The following ARMCX4 variants were observed in gnomAD, a reference collection of about 807,000 sequenced individuals.
The protein encoded by ARMCX4 is armadillo repeat-containing X-linked protein 4.
A neutral mutation model predicts 34.7 loss-of-function variants in ARMCX4; 3 were observed. The observed-to-expected ratio is 0.09, with a 90% CI of 0.04 to 0.22. ARMCX4 has a LOEUF of 0.22. Ranked by LOEUF, ARMCX4 falls within the 10% of genes least tolerant of loss-of-function variation. ARMCX4 has a pLI of 1.00. For synonymous variants in ARMCX4, 513 were observed against 632.8 expected (o/e 0.81, Z 2.84); for missense variants, 1,448 against 1,720.8 (o/e 0.84, Z 2.81).
intron 4 of ARMCX4, among the ~76,000 whole-genome samples, chrX:101,476,927 G>A (rs1314180546): frequency 1.8e-5 from 2 of 110,781 alleles, no homozygotes; most frequent in Non-Finnish European, 3.8e-5. Context: ...AATTTTTTTG[G>A]CAATTCTGAT....
In ARMCX4 at chrX:101,440,036, G is replaced by C. The variant is rs782477032; in HGVS notation, n.165-4016G>C. Among the ~76,000 whole-genome samples, 21 of 112,039 alleles carry C rather than the reference G, an allele frequency of 1.9e-4. No individual in the cohort carries two copies. The East Asian group carries it at 3.6e-3, about 19-fold the overall frequency. ...TGCTGGTGAGGAGCTGTGTTCCTTT[G>C]GAGGAGGAGAGGCGCTCTGATTTTT... is the stretch of plus-strand genomic sequence containing the variant. On this transcript the variant is annotated intron_variant and non_coding_transcript_variant, in intron 2 of 3. Transcript: ENST00000430461.
rs139126774 is a variant in ARMCX4, at chrX:101,518,575, T to G, written c.*1780+7520T>G. On this transcript the variant is annotated intron_variant and NMD_transcript_variant, in intron 11 of 12. Transcript: ENST00000354842. ...AAGCATAAATATAAGATGGCAGGAA[T>G]AAAACCAAAAAGAAGTAATCACAAT... Among the ~76,000 whole-genome samples, 137 of 111,164 alleles carry G rather than the reference T, an allele frequency of 1.2e-3. 1 individual carries two copies. The East Asian group carries it at 0.035, about 28-fold the overall frequency.
At chrX:101,465,364 A>G (rs142247943) in intron 4 of ARMCX4, among the ~76,000 whole-genome samples, 1,489 of 112,140 alleles carry the variant, frequency 0.013, 27 homozygotes, top group African/African-American at 0.045. Flanking sequence ...TGCAAATATT[A>G]ACAAAAAAGC....
intron 4 of ARMCX4, among the ~76,000 whole-genome samples, chrX:101,458,792 T>C (rs1260711916): frequency 8.9e-6 from 1 of 111,849 alleles, no homozygotes; most frequent in Admixed American, 9.5e-5. Context: ...CGGCTCAATA[T>C]CCTACTAATT....
downstream of ARMCX4, among the ~76,000 whole-genome samples, chrX:101,500,120 A>G (rs1025165469): frequency 1.8e-5 from 2 of 111,575 alleles, no homozygotes; most frequent in African/African-American, 3.3e-5. Flanking sequence ...TGATATTGAC[A>G]CCCAGAGACC....
At chrX:101,482,131 G>A (rs1933477224), upstream of ARMCX4, among the ~76,000 whole-genome samples, 1 of 110,809 alleles carries the variant, frequency 9.0e-6, no homozygotes, top group Non-Finnish European at 1.9e-5. Flanking sequence ...CTACTAGGGA[G>A]GCTGAGGCAT....
chrX:101,528,387 G>A (rs962803786), intron 11 of ARMCX4, among the ~76,000 whole-genome samples: 1 of 111,701 alleles, frequency 9.0e-6, no homozygotes, highest in African/African-American at 3.3e-5. Context: ...ATACTGAATG[G>A]CAAAAACTGG....
intron 4 of ARMCX4, among the ~76,000 whole-genome samples, chrX:101,453,249 C>A (rs1338471118): frequency 1.2e-4 from 13 of 111,854 alleles, no homozygotes; most frequent in Non-Finnish European, 2.3e-4. Context: ...GAATATAAAT[C>A]TTTACCATAT....
intron 2 of ARMCX4, among the ~76,000 whole-genome samples, chrX:101,435,976 G>C (rs1446758466): frequency 3.6e-5 from 4 of 111,278 alleles, no homozygotes; most frequent in African/African-American, 6.5e-5. Flanking sequence ...TTATTTCTGA[G>C]GGTTCTGTTC....
At chrX:101,438,880 G>T (rs1160786520) in intron 2 of ARMCX4, among the ~76,000 whole-genome samples, 1 of 110,988 alleles carries the variant, frequency 9.0e-6, no homozygotes. Flanking sequence ...ATGTGAGATG[G>T]GTTTCCTGAA....
chrX:101,511,626 G>C (rs782625349), intron 11 of ARMCX4, among the ~76,000 whole-genome samples: 1 of 110,811 alleles, frequency 9.0e-6, no homozygotes, highest in Non-Finnish European at 1.9e-5. Context: ...ACAAATGCCA[G>C]TTTTCATAGA....
At chrX:101,523,026 G>A (rs781832061) in intron 11 of ARMCX4, among the ~76,000 whole-genome samples, 1 of 111,852 alleles carries the variant, frequency 8.9e-6, no homozygotes, top group Non-Finnish European at 1.9e-5. Flanking sequence ...CGGGGAGTTA[G>A]GAAGGCTATG....
chrX:101,471,648 C>T (rs1169252084), intron 4 of ARMCX4, among the ~76,000 whole-genome samples: 3 of 111,464 alleles, frequency 2.7e-5, no homozygotes, highest in African/African-American at 9.8e-5. Flanking sequence ...GGTCCCTGAC[C>T]CCTGACCCTG....
At chrX:101,439,070 A>G (rs1555995987) in intron 2 of ARMCX4, among the ~76,000 whole-genome samples, 2 of 111,816 alleles carry the variant, frequency 1.8e-5, no homozygotes, top group South Asian at 3.7e-4. Context: ...TAGCCTTGAT[A>G]GTCTTTACAA....
intron 2 of ARMCX4, among the ~76,000 whole-genome samples, chrX:101,421,448 G>T (rs1223656642): frequency 1.8e-5 from 2 of 111,149 alleles, no homozygotes; most frequent in Non-Finnish European, 3.8e-5. Context: ...AATTGGGAGG[G>T]AGGGAGTGTG....
At chrX:101,454,538 G>A (rs782223263) in intron 4 of ARMCX4, among the ~76,000 whole-genome samples, 10 of 108,297 alleles carry the variant, frequency 9.2e-5, no homozygotes, top group African/African-American at 3.0e-4. Flanking sequence ...CGCCCACCTC[G>A]GCCTCCCAAA....
chrX:101,468,452 T>C (rs1420223434), intron 4 of ARMCX4, among the ~76,000 whole-genome samples: 1 of 108,532 alleles, frequency 9.2e-6, no homozygotes, highest in Non-Finnish European at 1.9e-5. Context: ...CCACCATGCC[T>C]GACTAATTTT....
At chrX:101,481,959 C>T (rs1933468974), upstream of ARMCX4, among the ~76,000 whole-genome samples, 1 of 111,378 alleles carries the variant, frequency 9.0e-6, no homozygotes, top group African/African-American at 3.3e-5. Flanking sequence ...CCTGGCCAGG[C>T]GTGGTGGCTC....
intron 2 of ARMCX4, among the ~76,000 whole-genome samples, chrX:101,438,267 A>C (rs973900061): frequency 1.8e-5 from 2 of 111,591 alleles, no homozygotes; most frequent in South Asian, 3.7e-4. Flanking sequence ...TGGGGTGTTA[A>C]AGTCTCCCAT....
Sources: gnomAD v4.1 joint callset for allele counts (sites outside exome capture counted in the v4.1 genomes callset) on GRCh38, gnomAD v4.1.1 for gene constraint, MANE v1.5 for transcripts, NCBI Gene and HGNC (gene_info 2026-07-23, HGNC 2026-07-21) for gene names.